The following LRRC4C variants were observed in gnomAD, a reference collection of about 807,000 sequenced individuals.
LRRC4C encodes leucine rich repeat containing 4C.
In LRRC4C, 5 loss-of-function variants were observed where a neutral mutation model predicts 33.6. The ratio of observed to expected loss-of-function variants is 0.15; its 90% CI spans 0.08 to 0.31. The LOEUF is 0.31. LRRC4C is among the 10% of genes least tolerant of loss of function. LRRC4C has a pLI of 1.00. For synonymous variants in LRRC4C, 329 were observed against 302.0 expected (o/e 1.09, Z -0.93); for missense variants, 560 against 796.7 (o/e 0.70, Z 3.58).
intron 3 of LRRC4C, among the ~76,000 whole-genome samples, chr11:40,538,551 G>A (rs1347723769): frequency 1.3e-5 from 2 of 152,240 alleles, no homozygotes; most frequent in African/African-American, 4.8e-5. Context: ...ATTTGGGTTG[G>A]TTCCAAGTCT....
intron 1 of LRRC4C, among the ~76,000 whole-genome samples, chr11:41,016,209 T>TA (rs943525835): frequency 5.9e-5 from 9 of 152,124 alleles, no homozygotes; most frequent in East Asian, 3.9e-4. Context: ...CAGTTTCTTC[T>TA]AAAAAAATAA....
At chr11:40,366,037 A>G (rs1015835143) in intron 3 of LRRC4C, among the ~76,000 whole-genome samples, 1 of 151,958 alleles carries the variant, frequency 6.6e-6, no homozygotes, top group Non-Finnish European at 1.5e-5. Context: ...TCTCAACATA[A>G]CCAACTATCT....
At chr11:40,903,512 T>C (rs993645109) in intron 2 of LRRC4C, among the ~76,000 whole-genome samples, 6 of 152,186 alleles carry the variant, frequency 3.9e-5, no homozygotes, top group African/African-American at 1.4e-4. Context: ...ACATAGATAA[T>C]GATTTATCTG....
chr11:40,865,370 C>A (rs1196213660), intron 2 of LRRC4C, among the ~76,000 whole-genome samples: 1 of 151,974 alleles, frequency 6.6e-6, no homozygotes, highest in African/African-American at 2.4e-5. Flanking sequence ...GATGATTGTA[C>A]AGCATACTGA....
At chr11:41,341,237 C>A (rs375870033) in intron 1 of LRRC4C, among the ~76,000 whole-genome samples, 1 of 152,002 alleles carries the variant, frequency 6.6e-6, no homozygotes. Context: ...CTTAGAATGA[C>A]CTAGTTCTTT....
chr11:41,071,454 G>A (rs1306011297), intron 1 of LRRC4C, among the ~76,000 whole-genome samples: 1 of 152,008 alleles, frequency 6.6e-6, no homozygotes, highest in Non-Finnish European at 1.5e-5. Flanking sequence ...GCCTAAAAAA[G>A]TTTAGAGCCC....
At chr11:40,806,909 C>T (rs948916827) in intron 2 of LRRC4C, among the ~76,000 whole-genome samples, 1 of 151,944 alleles carries the variant, frequency 6.6e-6, no homozygotes, top group African/African-American at 2.4e-5. Context: ...AATCTACATT[C>T]TAGAAAATTA....
intron 3 of LRRC4C, among the ~76,000 whole-genome samples, chr11:40,358,991 T>C (rs995993536): frequency 3.3e-5 from 5 of 152,188 alleles, no homozygotes; most frequent in Non-Finnish European, 7.3e-5. Flanking sequence ...ACTATGCTAA[T>C]GATTTTCATC....
intron 3 of LRRC4C, among the ~76,000 whole-genome samples, chr11:40,486,913 G>A (rs927862244): frequency 1.3e-5 from 2 of 151,916 alleles, no homozygotes; most frequent in South Asian, 2.1e-4. Context: ...ATTTGGCATC[G>A]GTTATCTGTC....
intron 1 of LRRC4C, among the ~76,000 whole-genome samples, chr11:41,116,790 G>T (rs1942155059): frequency 6.6e-6 from 1 of 152,026 alleles, no homozygotes; most frequent in East Asian, 1.9e-4. Context: ...TTAAGTTATT[G>T]ACATTATTCA....
chr11:40,588,167 C>G (rs1958852830), intron 3 of LRRC4C, among the ~76,000 whole-genome samples: 1 of 151,246 alleles, frequency 6.6e-6, no homozygotes, highest in Non-Finnish European at 1.5e-5. Context: ...TGTTATTGGT[C>G]TATTCAGAGA....
intron 3 of LRRC4C, among the ~76,000 whole-genome samples, chr11:40,345,991 A>T (rs1947111367): frequency 6.6e-6 from 1 of 152,206 alleles, no homozygotes; most frequent in Non-Finnish European, 1.5e-5. Flanking sequence ...AATCAAAAAC[A>T]CAATAAGACA....
chr11:41,105,961 G>A (rs1941468514), intron 1 of LRRC4C, among the ~76,000 whole-genome samples: 1 of 151,972 alleles, frequency 6.6e-6, no homozygotes, highest in African/African-American at 2.4e-5. Context: ...AATCATTACA[G>A]TCTCTTGCCT....
intron 3 of LRRC4C, among the ~76,000 whole-genome samples, chr11:40,638,933 T>C (rs1021101164): frequency 3.9e-5 from 6 of 152,160 alleles, no homozygotes; most frequent in Non-Finnish European, 8.8e-5. Context: ...TTTTTGAGCA[T>C]GCAGTGGCCA....
intron 1 of LRRC4C, among the ~76,000 whole-genome samples, chr11:41,154,039 C>T (rs1290353590): frequency 6.6e-6 from 1 of 152,170 alleles, no homozygotes; most frequent in Non-Finnish European, 1.5e-5. Context: ...TCACCTAGAG[C>T]TTGAAACGGT....
intron 3 of LRRC4C, among the ~76,000 whole-genome samples, chr11:40,504,085 G>A (rs1379518916): frequency 6.6e-6 from 1 of 151,984 alleles, no homozygotes; most frequent in Non-Finnish European, 1.5e-5. Context: ...GAGTTGACAA[G>A]CACTTATTAT....
At chr11:40,928,882 T>G (rs111823205) in intron 2 of LRRC4C, among the ~76,000 whole-genome samples, 26 of 152,292 alleles carry the variant, frequency 1.7e-4, no homozygotes, top group African/African-American at 6.3e-4. Context: ...TCATAATAAG[T>G]GTGCAATTTC....
chr11:40,226,613 A>G (rs1864817319), intron 5 of LRRC4C, among the ~76,000 whole-genome samples: 1 of 152,188 alleles, frequency 6.6e-6, no homozygotes, highest in Non-Finnish European at 1.5e-5. Context: ...TTAAATCTAG[A>G]ACATCAATAG....
chr11:41,417,141 C>T (rs1006123875), intron 1 of LRRC4C, among the ~76,000 whole-genome samples: 1 of 151,998 alleles, frequency 6.6e-6, no homozygotes, highest in African/African-American at 2.4e-5. Context: ...TGAGGAAATG[C>T]CATCAATACT....
Sources: gnomAD v4.1 joint callset for allele counts (sites outside exome capture counted in the v4.1 genomes callset) on GRCh38, gnomAD v4.1.1 for gene constraint, MANE v1.5 for transcripts, NCBI Gene and HGNC (gene_info 2026-07-23, HGNC 2026-07-21) for gene names.